CCDC138: variants seen among roughly 807,000 people sequenced by gnomAD.
CCDC138 encodes coiled-coil domain containing 138, also known as coiled-coil domain-containing protein 138.
CCDC138 carries 66 observed loss-of-function variants against 82.3 expected under a neutral mutation model. That is an observed-to-expected ratio of 0.80 (90% CI 0.66 to 0.98). The LOEUF is 0.98. Ranked by LOEUF, CCDC138 falls within the 50% of genes least tolerant of loss-of-function variation. The probability of loss-of-function intolerance (pLI) is 0.00; values close to 1 mark genes in which losing one functional copy is unlikely to be tolerated. For missense variants in CCDC138, 816 were observed against 758.9 expected (o/e 1.08, Z -0.88); for synonymous variants, 297 against 265.4 (o/e 1.12, Z -1.16).
At chr2:108,866,439 T>C (rs1694425344) in intron 13 of CCDC138, among the ~76,000 whole-genome samples, 1 of 152,216 alleles carries the variant, frequency 6.6e-6, no homozygotes, top group South Asian at 2.1e-4. Flanking sequence ...CACTAGTCTT[T>C]CATTTTTCTC....
intron 13 of CCDC138, among the ~76,000 whole-genome samples, chr2:108,871,064 G>T (rs1007602823): frequency 6.6e-6 from 1 of 152,110 alleles, no homozygotes; most frequent in Non-Finnish European, 1.5e-5. Flanking sequence ...CGTCATTAAT[G>T]TTAGGTGAAC....
chr2:108,879,500 T>G (rs1436130460), downstream of CCDC138, among the ~76,000 whole-genome samples: 2 of 152,210 alleles, frequency 1.3e-5, no homozygotes, highest in Admixed American at 1.3e-4. Context: ...CAAAGAATTA[T>G]GGAGAAATTA....
intron 7 of CCDC138, among the ~76,000 whole-genome samples, chr2:108,809,804 G>T (rs879752353): frequency 2.2e-4 from 33 of 151,536 alleles, no homozygotes; most frequent in Non-Finnish European, 3.7e-4. Context: ...ATTTTTGTTT[G>T]TTTGTTTGTT....
chr2:108,799,926 T>C (rs1254175033), intron 6 of CCDC138, among the ~76,000 whole-genome samples: 1 of 152,162 alleles, frequency 6.6e-6, no homozygotes. Flanking sequence ...ATTTTTGATA[T>C]TTAAAAATTC....
intron 12 of CCDC138, among the ~76,000 whole-genome samples, chr2:108,855,756 T>G (rs1006599218): frequency 6.6e-6 from 1 of 152,200 alleles, no homozygotes; most frequent in African/African-American, 2.4e-5. Context: ...TTCTCATTCT[T>G]AATAACCAGG....
chr2:108,819,326 A>G (rs946164912), intron 10 of CCDC138, among the ~76,000 whole-genome samples: 2 of 152,166 alleles, frequency 1.3e-5, no homozygotes, highest in Non-Finnish European at 2.9e-5. Flanking sequence ...CCTATTCCCT[A>G]CCGTCTCCCT....
chr2:108,823,594 C>A (rs1323877965), intron 10 of CCDC138, among the ~76,000 whole-genome samples: 1 of 152,198 alleles, frequency 6.6e-6, no homozygotes, highest in African/African-American at 2.4e-5. Context: ...ATTTGCTATG[C>A]AGAATATCTT....
chr2:108,857,529 TC>T (rs1692825268), intron 13 of CCDC138, among the ~76,000 whole-genome samples: 1 of 152,212 alleles, frequency 6.6e-6, no homozygotes, highest in Non-Finnish European at 1.5e-5. Flanking sequence ...TAAGGCTTGT[TC>T]TACCAAAGCA....
At chr2:108,791,498 A>G (rs1679899944) in intron 3 of CCDC138, 177 bp from the exon 4 acceptor site, 4 of 676,266 alleles carry the variant, frequency 5.9e-6, no homozygotes, top group South Asian at 1.5e-5. Context: ...TGGGTTATCA[A>G]TGATCAGTGA....
chr2:108,819,845 A>G (rs1310143702), intron 10 of CCDC138, among the ~76,000 whole-genome samples: 1 of 141,752 alleles, frequency 7.1e-6, no homozygotes, highest in Non-Finnish European at 1.6e-5. Flanking sequence ...TCAGAAACTC[A>G]CCCTAAAGAA....
chr2:108,838,619 A>G (rs956306403), intron 10 of CCDC138, among the ~76,000 whole-genome samples: 1 of 152,198 alleles, frequency 6.6e-6, no homozygotes, highest in Non-Finnish European at 1.5e-5. Context: ...AGCAAAATTC[A>G]TAGACATCCT....
intron 5 of CCDC138, among the ~76,000 whole-genome samples, chr2:108,794,938 G>A (rs924756485): frequency 7.2e-5 from 11 of 152,068 alleles, no homozygotes; most frequent in African/African-American, 2.7e-4. Flanking sequence ...ATTTGTAGGT[G>A]TGTGTTTCAG....
intron 11 of CCDC138, among the ~76,000 whole-genome samples, chr2:108,846,094 A>G (rs768157307): frequency 4.6e-5 from 7 of 152,160 alleles, no homozygotes; most frequent in Non-Finnish European, 7.3e-5. Context: ...GAGGCTCTAG[A>G]TAATCATTTC....
intron 10 of CCDC138, among the ~76,000 whole-genome samples, chr2:108,834,972 A>AG (rs1392329465): frequency 6.6e-6 from 1 of 152,246 alleles, no homozygotes; most frequent in African/African-American, 2.4e-5. Context: ...GTCAGTTGGC[A>AG]GCTCTTCAAT....
chr2:108,863,841 T>C (rs1175179386), intron 13 of CCDC138, among the ~76,000 whole-genome samples: 5 of 152,230 alleles, frequency 3.3e-5, no homozygotes, highest in African/African-American at 9.6e-5. Context: ...TAACAGTTCC[T>C]TCTGTAACTT....
At chr2:108,816,255 A>AG in intron 10 of CCDC138, 150 bp downstream of exon 10, 2 of 563,514 alleles carry the variant, frequency 3.5e-6, no homozygotes, top group Non-Finnish European at 3.0e-6. Context: ...GTTTAAGACC[A>AG]GCCTGGGCAA....
At chr2:108,816,345 G>C (rs1461195869) in intron 10 of CCDC138, among the ~76,000 whole-genome samples, 3 of 152,126 alleles carry the variant, frequency 2.0e-5, no homozygotes, top group African/African-American at 7.2e-5. Flanking sequence ...CAGCTACTTG[G>C]GAGGCTGAGG....
At chr2:108,862,887 T>C (rs1193425389) in intron 13 of CCDC138, among the ~76,000 whole-genome samples, 1 of 152,172 alleles carries the variant, frequency 6.6e-6, no homozygotes, top group Non-Finnish European at 1.5e-5. Flanking sequence ...AAGAAAATCC[T>C]AGGAAATATT....
At chr2:108,867,605 C>T (rs1000610742) in intron 13 of CCDC138, among the ~76,000 whole-genome samples, 2 of 152,018 alleles carry the variant, frequency 1.3e-5, no homozygotes, top group African/African-American at 2.4e-5. Flanking sequence ...CACACCATTC[C>T]TCCTTCCAAA....
Sources: allele counts gnomAD v4.1 joint callset (sites outside exome capture counted in the v4.1 genomes callset), GRCh38; gene constraint gnomAD v4.1.1; transcripts MANE v1.5; gene names NCBI Gene and HGNC (gene_info 2026-07-23, HGNC 2026-07-21).